Variants in DHRSX observed in about 807,000 individuals in gnomAD.
DHRSX encodes the protein dehydrogenase/reductase X-linked.
Under a neutral mutation model 34.0 loss-of-function variants are expected in DHRSX, and 31 were observed. The ratio of observed to expected loss-of-function variants is 0.91; its 90% confidence interval spans 0.69 to 1.23. The LOEUF (loss-of-function observed/expected upper bound fraction) is 1.23, where lower values mean the gene tolerates loss of function less well. Among genes scored for constraint, DHRSX ranks in the 50% most tolerant of loss-of-function variants. The pLI is 0.00. For missense variants in DHRSX, 414 were observed against 428.1 expected, an observed-to-expected ratio of 0.97 and a Z score of 0.29; for synonymous variants, 201 against 183.8, an observed-to-expected ratio of 1.09 and a Z score of -0.76.
intron 1 of DHRSX, among the ~76,000 whole-genome samples, chrX:2,460,129 A>G (rs1254447312): frequency 6.6e-6 from 1 of 152,114 alleles, no homozygotes; most frequent in Non-Finnish European, 1.5e-5. Flanking sequence ...ACAAACAAAA[A>G]AAGTATCCAC....
chrX:2,451,168 G>T (rs908551182), intron 1 of DHRSX, among the ~76,000 whole-genome samples: 5 of 151,638 alleles, frequency 3.3e-5, no homozygotes, highest in African/African-American at 1.2e-4. Flanking sequence ...GGGAGGCGGA[G>T]GGTGCAGTGA....
At chrX:2,468,588 G>A (rs2044534500) in intron 1 of DHRSX, among the ~76,000 whole-genome samples, 1 of 151,874 alleles carries the variant, frequency 6.6e-6, no homozygotes, top group South Asian at 2.1e-4. Context: ...TGTACACACT[G>A]AAGACGTTCC....
intron 1 of DHRSX, among the ~76,000 whole-genome samples, chrX:2,430,704 G>A (rs1185995293): frequency 1.3e-5 from 2 of 151,846 alleles, no homozygotes; most frequent in Non-Finnish European, 2.9e-5. Context: ...TTCCTTCTTG[G>A]TGTGTGCTTC....
chrX:2,373,594 C>T (rs2043105268), intron 3 of DHRSX, among the ~76,000 whole-genome samples: 1 of 152,088 alleles, frequency 6.6e-6, no homozygotes, highest in Non-Finnish European at 1.5e-5. Flanking sequence ...ACTGCAGTGC[C>T]GCTGAACCGA....
intron 1 of DHRSX, among the ~76,000 whole-genome samples, chrX:2,490,998 C>T (rs1312279581): frequency 2.0e-5 from 3 of 151,748 alleles, no homozygotes; most frequent in Non-Finnish European, 4.4e-5. Flanking sequence ...CGATGCCGCA[C>T]GTGTCAACAT....
intron 4 of DHRSX, among the ~76,000 whole-genome samples, chrX:2,286,921 T>C (rs2041811211): frequency 6.6e-6 from 1 of 152,192 alleles, no homozygotes; most frequent in Admixed American, 6.5e-5. Context: ...CTCCTGGAAA[T>C]GGTGTTCTGA....
In DHRSX at chrX:2,222,016, A is replaced by C. The variant is rs2015532249; in HGVS notation, c.805-787T>G. On this transcript the variant is annotated intron_variant, in intron 6 of 6. Coordinates refer to ENST00000334651, the MANE Select transcript of DHRSX (RefSeq NM_145177.3). ...GTTTCAGAAGTTGTCTCTTGTAATA[A>C]GCTTCTGGGAATCTGGTGAACGTAT... Among the ~76,000 whole-genome samples the C allele has an allele frequency of 2.6e-5, 4 of 152,320 alleles. No individual in the cohort carries two copies. In the South Asian group the frequency reaches 8.3e-4, roughly 32 times the overall value.
intron 1 of DHRSX, among the ~76,000 whole-genome samples, chrX:2,459,574 A>ATATATATG (rs2044372310): frequency 6.7e-6 from 1 of 148,238 alleles, no homozygotes. Flanking sequence ...ATATATATAT[A>ATATATATG]TATATACACA....
intron 3 of DHRSX, among the ~76,000 whole-genome samples, chrX:2,346,493 A>G (rs1034174576): frequency 3.3e-5 from 5 of 151,964 alleles, no homozygotes; most frequent in Non-Finnish European, 7.4e-5. Context: ...GCTGCTGTCA[A>G]GCTCAATCTC....
chrX:2,284,039 T>C (rs2041771205), intron 4 of DHRSX, among the ~76,000 whole-genome samples: 1 of 152,250 alleles, frequency 6.6e-6, no homozygotes, highest in Non-Finnish European at 1.5e-5. Flanking sequence ...TTCCTTTGAA[T>C]TCATTCGTTC....
intron 6 of DHRSX, among the ~76,000 whole-genome samples, chrX:2,238,653 G>T (rs186228146): frequency 3.3e-5 from 5 of 150,036 alleles, no homozygotes; most frequent in African/African-American, 1.2e-4. Context: ...GCGCCATCTC[G>T]GCTTACTGCA....
chrX:2,274,888 C>T (rs1286418259), intron 4 of DHRSX, among the ~76,000 whole-genome samples: 1 of 152,098 alleles, frequency 6.6e-6, no homozygotes, highest in Admixed American at 6.6e-5. Context: ...ATTAATTTTC[C>T]TCTTCCTATG....
At chrX:2,293,476 C>A (rs1244690055) in intron 3 of DHRSX, among the ~76,000 whole-genome samples, 5 of 152,078 alleles carry the variant, frequency 3.3e-5, no homozygotes, top group Non-Finnish European at 7.4e-5. Flanking sequence ...AGTTCCCTTA[C>A]ATTGAGATGG....
intron 3 of DHRSX, among the ~76,000 whole-genome samples, chrX:2,360,439 C>G (rs1201597576): frequency 6.6e-6 from 1 of 152,004 alleles, no homozygotes; most frequent in Non-Finnish European, 1.5e-5. Flanking sequence ...AAAAATGAGC[C>G]AGGTGTGGTG....
intron 3 of DHRSX, among the ~76,000 whole-genome samples, chrX:2,298,698 A>T (rs1200912198): frequency 6.7e-6 from 1 of 149,358 alleles, no homozygotes; most frequent in African/African-American, 2.6e-5. Flanking sequence ...AAAGTTGGGA[A>T]AAACGGGCCG....
At chrX:2,476,582 C>A (rs1452520033) in intron 1 of DHRSX, among the ~76,000 whole-genome samples, 1 of 152,116 alleles carries the variant, frequency 6.6e-6, no homozygotes, top group African/African-American at 2.4e-5. Flanking sequence ...GAGGCAAACA[C>A]CATTCCAATA....
At chrX:2,237,482 C>T (rs1399615107) in intron 6 of DHRSX, among the ~76,000 whole-genome samples, 1 of 151,864 alleles carries the variant, frequency 6.6e-6, no homozygotes, top group Non-Finnish European at 1.5e-5. Flanking sequence ...GGAGCTGATA[C>T]ACTCAGCATT....
At chrX:2,495,803 A>G (rs2045269920) in intron 1 of DHRSX, among the ~76,000 whole-genome samples, 1 of 152,038 alleles carries the variant, frequency 6.6e-6, no homozygotes, top group Non-Finnish European at 1.5e-5. Flanking sequence ...ACACTCCCCA[A>G]AACGCTCTCA....
chrX:2,341,255 G>C (rs2042636360), intron 3 of DHRSX, among the ~76,000 whole-genome samples: 1 of 152,060 alleles, frequency 6.6e-6, no homozygotes, highest in Non-Finnish European at 1.5e-5. Context: ...CTTACAGGTT[G>C]GGATGGGACC....
Sources: allele counts gnomAD v4.1 joint callset (sites outside exome capture counted in the v4.1 genomes callset), GRCh38; gene constraint gnomAD v4.1.1; transcripts MANE v1.5; gene names NCBI Gene and HGNC (gene_info 2026-07-23, HGNC 2026-07-21).